The following HSD3B2 variants were observed in gnomAD, a reference collection of about 807,000 sequenced individuals.
HSD3B2 encodes the protein hydroxy-delta-5-steroid dehydrogenase, 3 beta- and steroid delta-isomerase 2.
Under a neutral mutation model 9.9 loss-of-function variants are expected in HSD3B2, and 8 were observed. That is an observed-to-expected ratio of 0.81 (90% CI 0.47 to 1.46). The LOEUF (loss-of-function observed/expected upper bound fraction) is 1.46. Among genes scored for constraint, HSD3B2 ranks in the 40% most tolerant of loss-of-function variants. HSD3B2 has a pLI of 0.00. For synonymous variants in HSD3B2, 221 were observed against 184.5 expected (o/e 1.20, Z -1.60); for missense variants, 410 against 448.3 (o/e 0.91, Z 0.77).
intron 2 of HSD3B2, among the ~76,000 whole-genome samples, chr1:119,416,201 GAGAGAGAA>G (rs1284052363): frequency 5.3e-5 from 8 of 152,232 alleles, no homozygotes; most frequent in African/African-American, 9.6e-5. Context: ...ATCAGTGAGA[GAGAGAGAA>G]AGAGAGAAAG....
In HSD3B2 at chr1:119,422,941, C is replaced by G. The variant is rs1361530; in HGVS notation, c.*321C>G. ...TGACTAATAGAGCTCCATTTCCCCT[C>G]TTAAATGAGAAAGCATTTCTTTTCT... is the stretch of plus-strand genomic sequence containing the variant. On this transcript the variant is annotated 3_prime_UTR_variant, in exon 4 of 4. Transcript: ENST00000369416. The G allele has an allele frequency of 0.17, 77,864 of 470,306 alleles. 8,433 individuals carry two copies. Among genetic ancestry groups the G allele is most frequent in the African/African-American group, 0.34 (17,662 of 51,830 alleles). 29.1% of individuals were successfully genotyped at this position (470,306 alleles called of 1,614,324 possible).
In HSD3B2 at chr1:119,422,367, TG is replaced by T. The variant is rs767167623; in HGVS notation, c.867del (p.Met290CysfsTer10). On this transcript the variant is annotated frameshift_variant, in exon 4 of 4. Coordinates refer to ENST00000369416, the MANE Select transcript of HSD3B2 (RefSeq NM_000198.4). LOFTEE classifies it low-confidence loss of function (END_TRUNC). ...LDSRWSLPLTLMYWIGFLLEV... is the reference protein window; with the variant it reads ...LDSRWSLPLTXMYWIGFLLEV... ...TCCAGATGGAGCCTTCCTTTAACCC[TG>T]ATGTACTGGATTGGCTTCCTGCTGG... is the stretch of plus-strand genomic sequence containing the variant. 12 of 1,614,156 alleles carry T rather than the reference TG, an allele frequency of 7.4e-6. No homozygotes were observed. The African/African-American group carries it at 1.6e-4, about 22-fold the overall frequency.
rs376207606 is a variant in HSD3B2 at position 119,415,432 on chromosome 1, T to A, written c.13T>A (p.Cys5Ser). The A allele has an allele frequency of 7.4e-5, 119 of 1,613,966 alleles. No individual in the cohort carries two copies. The East Asian group carries it at 2.0e-3, about 27-fold the overall frequency. The change falls in exon 2 of 4, where the codon TGC (cysteine) becomes AGC (serine). Residue 5 changes from cysteine (C) to serine (S), a missense_variant. Coordinates refer to ENST00000369416, the MANE Select transcript of HSD3B2 (RefSeq NM_000198.4). MGWSCLVTGAGGLLG... is the reference protein window; with the variant it reads MGWSSLVTGAGGLLG... ...TGGATTGGCCACGATGGGCTGGAGC[T>A]GCCTTGTGACAGGAGCAGGAGGGCT...
At chr1:119,419,242 A>C (rs1557868561) in intron 2 of HSD3B2, among the ~76,000 whole-genome samples, 176 bp from the exon 3 acceptor site, 1 of 152,212 alleles carries the variant, frequency 6.6e-6, no homozygotes, top group Non-Finnish European at 1.5e-5. Context: ...ATAAACTGCT[A>C]CACATGCTGA....
At chr1:119,418,512 T>G (rs1402377761) in intron 2 of HSD3B2, among the ~76,000 whole-genome samples, 1 of 152,116 alleles carries the variant, frequency 6.6e-6, no homozygotes, top group Non-Finnish European at 1.5e-5. Flanking sequence ...GACATTCTGA[T>G]TAATCTCTTG....
In HSD3B2 at chr1:119,422,392, G is replaced by A. The variant is rs779139349; in HGVS notation, c.891G>A (p.Leu297=). Residue 297 remains leucine, a synonymous_variant, in exon 4 of 4, where the codon CTG becomes CTA. Transcript: ENST00000369416. ...LTLMYWIGFL[L]EVVSFLLSPI... ...TGATGTACTGGATTGGCTTCCTGCT[G>A]GAAGTAGTGAGCTTCCTACTCAGCC... 9.9e-6 allele frequency: 16 copies of A among 1,614,114 alleles called. No individual in the cohort carries two copies. Among genetic ancestry groups the A allele is most frequent in the Non-Finnish European group, 1.3e-5 (15 of 1,180,002 alleles).
In HSD3B2 at chr1:119,422,303, A is replaced by G. The variant is rs1651911543; in HGVS notation, c.802A>G (p.Asn268Asp). 1 of 1,614,074 alleles carries G rather than the reference A, an allele frequency of 6.2e-7. No homozygotes were observed. Among genetic ancestry groups the G allele is most frequent in the Non-Finnish European group, 8.5e-7 (1 of 1,179,986 alleles). The change falls in exon 4 of 4, where the codon AAT becomes GAT. Residue 268 changes from asparagine (N) to aspartate (D), a missense_variant. By Grantham distance (23) the Asn-to-Asp change is conservative. Transcript: ENST00000369416. ...DTPHQSYDNL[N>D]YILSKEFGLR... The stretch of plus-strand genomic sequence containing the variant: ...GCCTCACCAAAGCTATGATAACCTT[A>G]ATTACATCCTGAGCAAAGAGTTTGG...
In HSD3B2 at chr1:119,422,945, A is replaced by T. The variant is rs1651937862; in HGVS notation, c.*325A>T. The T allele has an allele frequency of 2.2e-6, 1 of 461,740 alleles. No individual in the cohort carries two copies. Among genetic ancestry groups the T allele is most frequent in the Admixed American group, 3.8e-5 (1 of 26,638 alleles). 28.6% of individuals were successfully genotyped at this position (461,740 alleles called of 1,614,324 possible). A position where few individuals can be genotyped will look rare whatever the true frequency, so the allele number is the denominator to read the frequency against. On this transcript the variant is annotated 3_prime_UTR_variant, in exon 4 of 4. Transcript: ENST00000369416. ...TAATAGAGCTCCATTTCCCCTCTTA[A>T]ATGAGAAAGCATTTCTTTTCTCTTT...
intron 3 of HSD3B2, chr1:119,419,832 C>T: frequency 2.0e-6 from 1 of 492,138 alleles, no homozygotes; most frequent in South Asian, 2.1e-5. Context: ...GAGAGTTAGA[C>T]TTTAAACTCA....
chr1:119,416,793 T>G lies in HSD3B2; in HGVS notation c.142+1232T>G, dbSNP rs1404514898. On this transcript the variant is annotated intron_variant, in intron 2 of 3. Transcript: ENST00000369416. ...TTTCCTCCACTCTCTGTTCTAATAG[T>G]GAACAGATATTAACACATGACTGAT... is the stretch of plus-strand genomic sequence containing the variant. 3.9e-5 allele frequency among the ~76,000 whole-genome samples: 6 copies of G among 152,220 alleles called. No homozygotes were observed. The South Asian group carries it at 1.2e-3, about 32-fold the overall frequency.
Position 119,422,483 on chromosome 1 carries a change from T to C in HSD3B2, c.982T>C (p.Phe328Leu). 2 of 1,614,122 alleles carry C rather than the reference T, an allele frequency of 1.2e-6. No individual in the cohort carries two copies. The highest frequency in any genetic ancestry group is 1.7e-6 in the Non-Finnish European group (2 of 1,179,998). The change falls in exon 4 of 4, where the codon TTC (phenylalanine) becomes CTC (leucine). Residue 328 changes from phenylalanine (F) to leucine (L), a missense_variant. Transcript: ENST00000369416. ...TVTLSNSVFT[F>L]SYKKAQRDLA... ...CACATTATCAAATAGTGTGTTCACC[T>C]TCTCTTACAAGAAGGCTCAGCGAGA... is the stretch of plus-strand genomic sequence containing the variant.
chr1:119,422,293 T>C lies in HSD3B2; in HGVS notation c.792T>C (p.Tyr264=), dbSNP rs1199265992. ...CAGATGACACGCCTCACCAAAGCTA[T>C]GATAACCTTAATTACATCCTGAGCA... ...YISDDTPHQS[Y]DNLNYILSKE... Residue 264 remains tyrosine, a synonymous_variant, in exon 4 of 4, where the codon TAT becomes TAC. Transcript: ENST00000369416. 1 of 1,614,010 alleles carries C rather than the reference T, an allele frequency of 6.2e-7. No individual in the cohort carries two copies.
chr1:119,417,673 C>T (rs2854962), intron 2 of HSD3B2, among the ~76,000 whole-genome samples: 105,192 of 151,502 alleles, frequency 0.69, 36,614 homozygotes, highest in African/African-American at 0.74. Flanking sequence ...CAAATGGTCC[C>T]ACCTGTATCC....
In HSD3B2 at chr1:119,422,277, C is replaced by T. The variant is rs80358221; in HGVS notation, c.776C>T (p.Thr259Met). The T allele has an allele frequency of 6.2e-6, 10 of 1,613,964 alleles. No homozygotes were observed. Among genetic ancestry groups the T allele is most frequent in the African/African-American group, 2.7e-5 (2 of 74,928 alleles). ...CAATTCTATTACATCTCAGATGACA[C>T]GCCTCACCAAAGCTATGATAACCTT... ...RGQFYYISDD[T>M]PHQSYDNLNY... is the part of the protein sequence containing the mutation. Residue 259 changes from threonine to methionine, a missense_variant, in exon 4 of 4, where the codon ACG becomes ATG. Thr to Met is a moderately conservative substitution (Grantham distance 81). Coordinates refer to ENST00000369416, the MANE Select transcript of HSD3B2 (RefSeq NM_000198.4).
chr1:119,420,210 C>T (rs894101262), intron 3 of HSD3B2, among the ~76,000 whole-genome samples: 8 of 152,102 alleles, frequency 5.3e-5, no homozygotes, highest in South Asian at 4.1e-4. Context: ...TATTACAGAG[C>T]CATTTCCTGC....
At chr1:119,421,477 GTA>G (rs372247413) in intron 3 of HSD3B2, among the ~76,000 whole-genome samples, 1 of 49,850 alleles carries the variant, frequency 2.0e-5, no homozygotes, top group Non-Finnish European at 3.4e-5. Flanking sequence ...ATATATATAT[GTA>G]TATATATATT....
chr1:119,416,637 G>A (rs1043484726), intron 2 of HSD3B2, among the ~76,000 whole-genome samples: 1 of 152,112 alleles, frequency 6.6e-6, no homozygotes, highest in African/African-American at 2.4e-5. Flanking sequence ...CCCAACCCAG[G>A]GGACTGGGGG....
At chr1:119,421,403 GTA>G (rs1321607256) in intron 3 of HSD3B2, among the ~76,000 whole-genome samples, 1,114 of 66,820 alleles carry the variant, frequency 0.017, 41 homozygotes, top group African/African-American at 0.075. Flanking sequence ...ATATATATAT[GTA>G]TATATATATA....
chr1:119,418,660 T>C (rs1651776734), intron 2 of HSD3B2, among the ~76,000 whole-genome samples: 1 of 148,150 alleles, frequency 6.7e-6, no homozygotes, highest in South Asian at 2.1e-4. Context: ...ATTATTATTA[T>C]TATTATTTTG....
Sources: allele counts gnomAD v4.1 joint callset (sites outside exome capture counted in the v4.1 genomes callset), GRCh38; gene constraint gnomAD v4.1.1; transcripts MANE v1.5; gene names NCBI Gene and HGNC (gene_info 2026-07-23, HGNC 2026-07-21).